Variants in ESRRG observed in about 807,000 individuals in gnomAD.
ESRRG encodes the protein estrogen related receptor gamma, also known as estrogen-related receptor gamma.
A neutral mutation model predicts 44.0 loss-of-function variants in ESRRG; 13 were observed. That is an observed-to-expected ratio of 0.30 (90% CI 0.19 to 0.47). The LOEUF is 0.47. Among genes scored for constraint, ESRRG ranks in the 20% least tolerant of loss-of-function variants. The pLI is 1.00. For missense variants in ESRRG, 395 were observed against 580.6 expected, an observed-to-expected ratio of 0.68 and a Z score of 3.29; for synonymous variants, 215 against 214.6, an observed-to-expected ratio of 1.00 and a Z score of -0.02.
chr1:216,561,986 A>G (rs933465491), intron 5 of ESRRG, among the ~76,000 whole-genome samples: 1 of 152,228 alleles, frequency 6.6e-6, no homozygotes. Context: ...CTATCTTTAC[A>G]AAAGTCACTA....
intron 3 of ESRRG, among the ~76,000 whole-genome samples, chr1:216,638,366 C>G (rs1253529024): frequency 7.9e-5 from 12 of 152,168 alleles, no homozygotes. Context: ...ACAGTGAACT[C>G]TGAGTCTATC....
At chr1:217,124,528 A>C (rs1478257098) in intron 1 of ESRRG, among the ~76,000 whole-genome samples, 1 of 152,204 alleles carries the variant, frequency 6.6e-6, no homozygotes, top group East Asian at 1.9e-4. Context: ...CTCCACGTGC[A>C]TGAATCAAGG....
chr1:216,806,533 G>A (rs1290078498), intron 2 of ESRRG, among the ~76,000 whole-genome samples: 1 of 152,230 alleles, frequency 6.6e-6, no homozygotes, highest in Middle Eastern at 3.4e-3. Flanking sequence ...ATCAACGTGA[G>A]GCATGACGAT....
At position 216,569,108 on chromosome 1, in the gene ESRRG, GGAA is replaced by G. The variant is rs796234448; in HGVS notation, c.590-1013_590-1011del. On this transcript the variant is annotated intron_variant, in intron 3 of 6. Transcript: ENST00000408911. Reference sequence around the variant, plus strand: ...AGGAAGGAAGGAAGGAAGGAAGGAAGGAAGAAGGAAGGAAGGAAGGAAGGAAAG... The same window carrying G: ...AGGAAGGAAGGAAGGAAGGAAGGAAGGAAGGAAGGAAGGAAGGAAGGAAAG... Among the ~76,000 whole-genome samples the G allele has an allele frequency of 3.3e-3, 380 of 115,362 alleles. 2 individuals are homozygous for G. The highest frequency in any genetic ancestry group is 9.7e-3 in the Middle Eastern group (2 of 206). The allele number at this position is 115,362 out of a possible 152,430, so 75.7% of individuals were successfully genotyped here. A position where few individuals can be genotyped will look rare whatever the true frequency, so the allele number is the denominator to read the frequency against.
At chr1:216,656,167 A>G (rs2070499381) in intron 2 of ESRRG, among the ~76,000 whole-genome samples, 1 of 152,178 alleles carries the variant, frequency 6.6e-6, no homozygotes, top group South Asian at 2.1e-4. Flanking sequence ...GTTATTGTTC[A>G]CAGCATAGGA....
At chr1:216,531,555 T>C (rs1233808504) in intron 5 of ESRRG, among the ~76,000 whole-genome samples, 2 of 152,094 alleles carry the variant, frequency 1.3e-5, no homozygotes, top group Admixed American at 6.6e-5. Context: ...TTTGGATGAC[T>C]AGCCAAGTTA....
chr1:217,128,520 C>T (rs79282188), intron 1 of ESRRG, among the ~76,000 whole-genome samples: 6,037 of 152,194 alleles, frequency 0.04, 164 homozygotes, highest in African/African-American at 0.07. Flanking sequence ...TGGTTTAAGG[C>T]AGCTCCTTAA....
intron 2 of ESRRG, among the ~76,000 whole-genome samples, chr1:216,880,346 C>G (rs1307637312): frequency 7.6e-6 from 1 of 130,974 alleles, no homozygotes; most frequent in African/African-American, 2.8e-5. Flanking sequence ...TTTTCATGCA[C>G]CTTAAATACT....
intron 3 of ESRRG, among the ~76,000 whole-genome samples, chr1:216,588,096 C>T (rs1242005972): frequency 1.3e-5 from 2 of 152,034 alleles, no homozygotes; most frequent in African/African-American, 2.4e-5. Context: ...AACATGTATT[C>T]CCCCTGGTGG....
chr1:216,737,521 A>G (rs2090108608), intron 2 of ESRRG, among the ~76,000 whole-genome samples: 1 of 152,290 alleles, frequency 6.6e-6, no homozygotes, highest in African/African-American at 2.4e-5. Flanking sequence ...GGAGTTTTGA[A>G]GGCTCCCAGG....
At chr1:216,667,884 T>A (rs1180067004) in intron 2 of ESRRG, among the ~76,000 whole-genome samples, 1 of 151,602 alleles carries the variant, frequency 6.6e-6, no homozygotes, top group Non-Finnish European at 1.5e-5. Flanking sequence ...TCAACTGAGG[T>A]CAGGAGTTTG....
At chr1:216,574,093 A>G (rs1195554829) in intron 3 of ESRRG, among the ~76,000 whole-genome samples, 2 of 152,150 alleles carry the variant, frequency 1.3e-5, no homozygotes, top group Non-Finnish European at 2.9e-5. Flanking sequence ...CCCAGGAAAT[A>G]AAAGACCCAC....
intron 1 of ESRRG, among the ~76,000 whole-genome samples, chr1:217,077,568 T>C (rs776415379): frequency 1.3e-5 from 2 of 152,170 alleles, no homozygotes; most frequent in Non-Finnish European, 2.9e-5. Flanking sequence ...AGTGGCTAAA[T>C]ACAGGTTTAA....
intron 5 of ESRRG, among the ~76,000 whole-genome samples, chr1:216,545,913 T>A (rs1454187052): frequency 6.6e-6 from 1 of 152,048 alleles, no homozygotes; most frequent in Non-Finnish European, 1.5e-5. Context: ...CCAAAAAATA[T>A]TTATTGATCT....
upstream of ESRRG, chr1:217,090,600 C>G (rs1410197191): frequency 6.6e-6 from 1 of 152,012 alleles, no homozygotes; most frequent in Admixed American, 6.6e-5. Context: ...TCTTTAAAGC[C>G]TTTTAAAAAT....
chr1:216,913,208 T>G lies in ESRRG; in HGVS notation c.-14+26374A>C, dbSNP rs1282202614. 5.3e-5 allele frequency among the ~76,000 whole-genome samples: 8 copies of G among 152,164 alleles called. No homozygotes were observed. In the East Asian group the frequency reaches 1.5e-3, roughly 29 times the overall value. On this transcript the variant is annotated intron_variant, in intron 2 of 7. Transcript: ENST00000359162. ...ATCTCTACTCAACATGTGCAGACTT[T>G]TTTTCCTTGTCATTACTCCCTAACT...
chr1:216,792,345 A>G (rs1451348664), intron 2 of ESRRG, among the ~76,000 whole-genome samples: 1 of 152,168 alleles, frequency 6.6e-6, no homozygotes, highest in Non-Finnish European at 1.5e-5. Flanking sequence ...TAATACCAAC[A>G]TAATTTATTC....
chr1:216,706,950 T>C (rs983028641), intron 1 of ESRRG, among the ~76,000 whole-genome samples: 2 of 152,228 alleles, frequency 1.3e-5, no homozygotes, highest in African/African-American at 4.8e-5. Flanking sequence ...GAATTCAATC[T>C]TTGAGTCCTC....
intron 2 of ESRRG, among the ~76,000 whole-genome samples, chr1:216,776,347 T>A (rs1486547118): frequency 6.6e-6 from 1 of 152,082 alleles, no homozygotes; most frequent in African/African-American, 2.4e-5. Flanking sequence ...CTAGTGTCCT[T>A]CAGGACTTTT....
Sources: gnomAD v4.1 joint callset for allele counts (sites outside exome capture counted in the v4.1 genomes callset) on GRCh38, gnomAD v4.1.1 for gene constraint, MANE v1.5 for transcripts, NCBI Gene and HGNC (gene_info 2026-07-23, HGNC 2026-07-21) for gene names.